Variants in SLC4A11 observed in about 807,000 individuals in gnomAD.
SLC4A11 encodes the protein solute carrier family 4 member 11.
Under a neutral mutation model 95.0 loss-of-function variants are expected in SLC4A11, and 74 were observed. That is an observed-to-expected ratio of 0.78 (90% confidence interval 0.65 to 0.95). The LOEUF (loss-of-function observed/expected upper bound fraction) is 0.95. SLC4A11 is among the 40% of genes least tolerant of loss of function. SLC4A11 has a pLI of 0.00. For synonymous variants in SLC4A11, 548 were observed against 519.0 expected (o/e 1.06, Z -0.76); for missense variants, 1,081 against 1,192.4 (o/e 0.91, Z 1.38).
At position 3,228,641 on chromosome 20, in the gene SLC4A11, CAG is replaced by C; in HGVS notation, c.2257_2258del (p.Leu753ValfsTer109). On this transcript the variant is annotated frameshift_variant, in exon 18 of 20. Transcript: ENST00000642402. LOFTEE classifies it high-confidence loss of function. ...LGASVLVGLS[L>X]LLLPVPLQWI... is the part of the protein sequence containing the mutation. ...ACTGAAGCGGGACCGGCAGCAGCAA[CAG>C]GGACAGGCCCACCAGGACGCTGGCG... 6.2e-7 allele frequency: 1 copy of C among 1,613,094 alleles called. No homozygotes were observed. Among genetic ancestry groups the C allele is most frequent in the Non-Finnish European group, 8.5e-7 (1 of 1,179,916 alleles).
chr20:3,233,690 C>T (rs545561119), intron 6 of SLC4A11, 53 bp from the exon 7 acceptor site: 11 of 1,604,676 alleles, frequency 6.9e-6, no homozygotes, highest in African/African-American at 1.3e-5. Flanking sequence ...GGAGCTGGGG[C>T]TCCCCGACCC....
Position 3,228,667 on chromosome 20 carries a change from C to T in SLC4A11, c.2233G>A (p.Ala745Thr), listed in dbSNP as rs752886060. ...VKETRLTSLG[A>T]SVLVGLSLLL... ...AGGGACAGGCCCACCAGGACGCTGG[C>T]GCCCAGCGAGGTCAGCCGCGTCTCC... The change falls in exon 18 of 20, where the codon GCC becomes ACC. Residue 745 changes from alanine to threonine, a missense_variant. By Grantham distance (58) the Ala-to-Thr change is moderately conservative. This residue lies in a region of SLC4A11 where 767 missense variants were observed against 858.0 expected (regional missense o/e 0.89). Transcript: ENST00000642402. The T allele has an allele frequency of 3.1e-5, 50 of 1,612,842 alleles. No homozygotes were observed. In the Middle Eastern group the frequency reaches 4.9e-4, roughly 16 times the overall value.
rs121909387 is a variant in SLC4A11, at chr20:3,228,684, C to T, written c.2216G>A (p.Arg739Gln). ...YDTIVNVKET[R>Q]LTSLGASVLV... Reference sequence around the variant, plus strand: ...GACGCTGGCGCCCAGCGAGGTCAGCCGCGTCTCCTTCACGTTCACAATCCT... The same window carrying T: ...GACGCTGGCGCCCAGCGAGGTCAGCTGCGTCTCCTTCACGTTCACAATCCT... The change falls in exon 18 of 20, where the codon CGG (arginine) becomes CAG (glutamine). Residue 739 changes from arginine to glutamine, a missense_variant. Transcript: ENST00000642402. The T allele has an allele frequency of 5.0e-6, 8 of 1,612,952 alleles. No individual in the cohort carries two copies. Among genetic ancestry groups the T allele is most frequent in the South Asian group, 2.2e-5 (2 of 91,086 alleles).
chr20:3,237,403 G>A, intron 2 of SLC4A11, 141 bp downstream of exon 2: 1 of 892,792 alleles, frequency 1.1e-6, no homozygotes, highest in African/African-American at 1.6e-5. Flanking sequence ...CCCGAAGAGT[G>A]GAAGCCAAAA....
chr20:3,228,468 T>C, intron 18 of SLC4A11, 40 bp from the exon 19 acceptor site: 1 of 1,612,868 alleles, frequency 6.2e-7, no homozygotes, highest in Non-Finnish European at 8.5e-7. Flanking sequence ...GGCATGGGGC[T>C]GTGTCCCCAC....
chr20:3,230,900 A>ACCCCCCCCCCCCCC (rs1600577490), intron 10 of SLC4A11, 33 bp downstream of exon 10: 14 of 1,610,602 alleles, frequency 8.7e-6, no homozygotes, highest in Non-Finnish European at 1.1e-5. Flanking sequence ...AGCCCAGCAT[A>ACCCCCCCCCCCCCC]CCCCCACCCA....
chr20:3,238,524 G>C, intron 1 of SLC4A11: 1 of 981,848 alleles, frequency 1.0e-6, no homozygotes, highest in Non-Finnish European at 1.2e-6. Context: ...GGCGGCCCAC[G>C]TGCAGGTAAA....
chr20:3,238,840 C>G, intron 1 of SLC4A11: 1 of 1,209,462 alleles, frequency 8.3e-7, no homozygotes, highest in Non-Finnish European at 1.0e-6. Flanking sequence ...ATCAGCTGTT[C>G]AAACCTGGTA....
rs1400746087 is a variant in SLC4A11 at position 3,229,508 on chromosome 20, C to T, written c.1742+16G>A. The T allele has an allele frequency of 1.9e-6, 3 of 1,612,806 alleles. No individual in the cohort carries two copies. The highest frequency in any genetic ancestry group is 2.5e-6 in the Non-Finnish European group (3 of 1,179,952). Reference sequence around the variant, plus strand: ...TTGACCCATGCGGCCCCTCCCCTCCCCATGCAGCCCCTCACCTCTTCTTGA... The same window carrying T: ...TTGACCCATGCGGCCCCTCCCCTCCTCATGCAGCCCCTCACCTCTTCTTGA... On this transcript the variant is annotated intron_variant, in intron 14 of 19. Coordinates refer to ENST00000642402, the MANE Select transcript of SLC4A11 (RefSeq NM_001174089.2).
chr20:3,238,005 ATC>A, intron 1 of SLC4A11: 1 of 1,546,790 alleles, frequency 6.5e-7, no homozygotes, highest in South Asian at 1.2e-5. Flanking sequence ...AAGGCGGGGG[ATC>A]TCTCTGCACA....
At position 3,237,607 on chromosome 20, in the gene SLC4A11, G is replaced by C; in HGVS notation, c.44-19C>G. 1 of 1,614,076 alleles carries C rather than the reference G, an allele frequency of 6.2e-7. No homozygotes were observed. Among genetic ancestry groups the C allele is most frequent in the Non-Finnish European group, 8.5e-7 (1 of 1,180,024 alleles). Reference sequence around the variant, plus strand: ...GAGTTTTCTGCAAGGGAAGCAGAAAGGTCACCAGCCCCATGGACCAAGCCC... The same window carrying C: ...GAGTTTTCTGCAAGGGAAGCAGAAACGTCACCAGCCCCATGGACCAAGCCC... On this transcript the variant is annotated intron_variant, in intron 1 of 19. Transcript: ENST00000642402.
chr20:3,228,285 G>A lies in SLC4A11; in HGVS notation c.2532C>T (p.Leu844=), dbSNP rs2067609424. Residue 844 remains leucine, a synonymous_variant, in exon 19 of 20, where the codon CTC becomes CTT. Transcript: ENST00000642402. ...GGATGGGGATCATGGCGATCATGAT[G>A]AGGGGAAAGATCATCTTCATGTAGG... ...SLPYMKMIFP[L]IMIAMIPIRY... is the part of the protein sequence containing the mutation. The A allele has an allele frequency of 1.2e-6, 2 of 1,612,846 alleles. No individual in the cohort carries two copies. Among genetic ancestry groups the A allele is most frequent in the Non-Finnish European group, 1.7e-6 (2 of 1,179,964 alleles).
chr20:3,233,997 G>A lies in SLC4A11; in HGVS notation c.529C>T (p.Leu177=), dbSNP rs771838131. ...ACCCCTTGGATGGTATCTGACAGCA[G>A]GTGGACTGAGGAAAGAGTGAGGGGG... ...AGAPMRGKVH[L]LSDTIQGVTA... The change falls in exon 6 of 20, where the codon CTG becomes TTG. Residue 177 remains leucine, a synonymous_variant. Transcript: ENST00000642402. The A allele has an allele frequency of 6.2e-7, 1 of 1,613,958 alleles. No homozygotes were observed. The highest frequency in any genetic ancestry group is 2.2e-5 in the East Asian group (1 of 44,874).
At position 3,233,572 on chromosome 20, in the gene SLC4A11, C is replaced by T. The variant is rs746532062; in HGVS notation, c.671G>A (p.Trp224Ter). ...CISRLVRPQN[W>*]GENSCEVRFV... Reference sequence around the variant, plus strand: ...CCGAACCTCACAGGAATTCTCCCCCCAGTTCTGTGGGCGAACCAGGCGGCT... The same window carrying T: ...CCGAACCTCACAGGAATTCTCCCCCTAGTTCTGTGGGCGAACCAGGCGGCT... Residue 224 changes from tryptophan (W) to a stop codon, truncating the protein, a stop_gained, in exon 7 of 20, where the codon TGG becomes TAG. Coordinates refer to ENST00000642402, the MANE Select transcript of SLC4A11 (RefSeq NM_001174089.2). LOFTEE classifies it high-confidence loss of function. 1.9e-6 allele frequency: 3 copies of T among 1,613,794 alleles called. No individual in the cohort carries two copies. Among genetic ancestry groups the T allele is most frequent in the South Asian group, 2.2e-5 (2 of 91,086 alleles).
At chr20:3,236,659 T>C (rs1008527937) in intron 2 of SLC4A11, among the ~76,000 whole-genome samples, 3 of 152,090 alleles carry the variant, frequency 2.0e-5, no homozygotes, top group East Asian at 3.9e-4. Flanking sequence ...GATAAACTCC[T>C]TCCTCCCCGG....
At chr20:3,238,673 AC>A in intron 1 of SLC4A11, 1 of 1,000,014 alleles carries the variant, frequency 1.0e-6, no homozygotes, top group Non-Finnish European at 1.2e-6. Context: ...CGGGGCTCCC[AC>A]CGCGGCGCCG....
intron 1 of SLC4A11, 156 bp downstream of exon 1, chr20:3,238,939 C>A: frequency 7.9e-7 from 1 of 1,264,144 alleles, no homozygotes; most frequent in South Asian, 2.6e-5. Flanking sequence ...CACCCGCGCC[C>A]TCCTCCCCGC....
Position 3,231,332 on chromosome 20 carries a change from C to T in SLC4A11, c.946G>A (p.Glu316Lys), listed in dbSNP as rs1228959374. The T allele has an allele frequency of 6.8e-6, 11 of 1,613,750 alleles. No individual in the cohort carries two copies. Among genetic ancestry groups the T allele is most frequent in the Non-Finnish European group, 9.3e-6 (11 of 1,180,020 alleles). The change falls in exon 8 of 20, where the codon GAG becomes AAG. Residue 316 changes from glutamate (E) to lysine (K), a missense_variant and splice_region_variant. Glu to Lys is a moderately conservative substitution (Grantham distance 56). This residue lies in a region of SLC4A11 where 767 missense variants were observed against 858.0 expected (regional missense o/e 0.89). Transcript: ENST00000642402. The surrounding 1 kb of genome is among the most constrained non-coding windows in gnomAD (Gnocchi z 5.2). The part of the protein sequence containing the change: ...TVSLPAHRHP[E>K]PPKCKDFVPF... ...CCCCGCCGGCCTCTACCCTGTACCTCTGGGTGTCTGTGGGCAGGGAGGGAG... is the reference window on the plus strand; with the variant it reads ...CCCCGCCGGCCTCTACCCTGTACCTTTGGGTGTCTGTGGGCAGGGAGGGAG...
chr20:3,228,495 C>T lies in SLC4A11; in HGVS notation c.2388+17G>A. ...TGTCCCCACCCACGCCACTCCCTCG[C>T]AGGGCCAAGCGCTCACCTGCTCCTT... is the stretch of plus-strand genomic sequence containing the variant. On this transcript the variant is annotated intron_variant, in intron 18 of 19. Transcript: ENST00000642402. 6.2e-7 allele frequency: 1 copy of T among 1,612,986 alleles called. No individual in the cohort carries two copies. The highest frequency in any genetic ancestry group is 8.5e-7 in the Non-Finnish European group (1 of 1,179,922).
Sources: allele counts gnomAD v4.1 joint callset (sites outside exome capture counted in the v4.1 genomes callset), GRCh38; gene constraint gnomAD v4.1.1; regional missense constraint gnomAD v4.1.1; non-coding constraint Gnocchi (gnomAD v3.1); transcripts MANE v1.5; gene names NCBI Gene and HGNC (gene_info 2026-07-23, HGNC 2026-07-21).